Variants in FRMD4B observed in about 807,000 individuals in gnomAD.
FRMD4B encodes FERM domain containing 4B, also known as FERM domain-containing protein 4B.
In FRMD4B, 74 loss-of-function variants were observed where a neutral mutation model predicts 141.5. The ratio of observed to expected loss-of-function variants is 0.52; its 90% CI spans 0.43 to 0.63. The LOEUF (loss-of-function observed/expected upper bound fraction) is 0.63. FRMD4B is among the 30% of genes least tolerant of loss of function. The pLI, the probability that FRMD4B is intolerant of heterozygous loss-of-function variation, is 0.00. For missense variants in FRMD4B, 1,366 were observed against 1,253.4 expected (o/e 1.09, Z -1.36); for synonymous variants, 506 against 467.9 (o/e 1.08, Z -1.05).
At chr3:69,283,995 C>G (rs1179029981) in intron 5 of FRMD4B, among the ~76,000 whole-genome samples, 1 of 147,634 alleles carries the variant, frequency 6.8e-6, no homozygotes, top group African/African-American at 2.5e-5. Context: ...AAAAAACAGA[C>G]AAAATATATA....
At chr3:69,301,062 C>G (rs971671247) in intron 4 of FRMD4B, among the ~76,000 whole-genome samples, 1 of 150,988 alleles carries the variant, frequency 6.6e-6, no homozygotes, top group Non-Finnish European at 1.5e-5. Context: ...TTAATAACAA[C>G]TAGAAATAGC....
chr3:69,282,851 G>T (rs988597953), intron 5 of FRMD4B, among the ~76,000 whole-genome samples: 2 of 151,862 alleles, frequency 1.3e-5, no homozygotes, highest in African/African-American at 4.8e-5. Flanking sequence ...TGGCCAGGCT[G>T]GTCACGAACT....
chr3:69,443,949 A>G (rs906044798), intron 1 of FRMD4B, among the ~76,000 whole-genome samples: 5 of 152,170 alleles, frequency 3.3e-5, no homozygotes, highest in Admixed American at 6.5e-5. Flanking sequence ...ATACATCACT[A>G]TTGTAGAACC....
chr3:69,283,408 A>ACAGAAAAC (rs1553716233), intron 5 of FRMD4B, among the ~76,000 whole-genome samples: 1 of 141,050 alleles, frequency 7.1e-6, no homozygotes, highest in Non-Finnish European at 1.5e-5. Flanking sequence ...CAACAAACAA[A>ACAGAAAAC]AAACAAAAAA....
upstream of FRMD4B, among the ~76,000 whole-genome samples, chr3:69,388,114 T>C (rs1704305429): frequency 1.3e-5 from 2 of 152,108 alleles, no homozygotes. Flanking sequence ...GCAGTTCGAC[T>C]GTGTTCTCGG....
intron 1 of FRMD4B, among the ~76,000 whole-genome samples, chr3:69,529,627 T>G (rs1700984530): frequency 1.3e-5 from 2 of 152,180 alleles, no homozygotes; most frequent in Non-Finnish European, 2.9e-5. Flanking sequence ...GCAAAGGAAG[T>G]TTCCCTTCCT....
intron 1 of FRMD4B, among the ~76,000 whole-genome samples, chr3:69,352,529 T>G (rs1703183748): frequency 6.6e-6 from 1 of 152,174 alleles, no homozygotes; most frequent in African/African-American, 2.4e-5. Context: ...CTGGATGAGA[T>G]AATTTCCTTT....
chr3:69,235,525 G>A (rs1204991025), intron 7 of FRMD4B, among the ~76,000 whole-genome samples: 1 of 152,000 alleles, frequency 6.6e-6, no homozygotes, highest in African/African-American at 2.4e-5. Flanking sequence ...TGGGTGTGGT[G>A]GTGGGTGCCT....
intron 1 of FRMD4B, among the ~76,000 whole-genome samples, chr3:69,453,931 G>C (rs935276956): frequency 1.8e-4 from 28 of 152,120 alleles, no homozygotes; most frequent in Non-Finnish European, 2.5e-4. Context: ...TAAGAACTTG[G>C]TATCTCCTCA....
intron 5 of FRMD4B, among the ~76,000 whole-genome samples, chr3:69,260,094 TGA>T (rs1361776679): frequency 6.6e-6 from 1 of 152,154 alleles, no homozygotes; most frequent in Non-Finnish European, 1.5e-5. Flanking sequence ...TTCATCCTAT[TGA>T]GAGGTGACAA....
At chr3:69,475,567 T>C (rs1195640193) in intron 1 of FRMD4B, among the ~76,000 whole-genome samples, 3 of 152,190 alleles carry the variant, frequency 2.0e-5, no homozygotes, top group Admixed American at 6.5e-5. Flanking sequence ...TAGTATTCCA[T>C]GGTGTATATG....
chr3:69,185,570 C>T lies in FRMD4B; in HGVS notation c.1919+2200G>A, dbSNP rs115367291. On this transcript the variant is annotated intron_variant, in intron 19 of 22. Transcript: ENST00000398540. The stretch of plus-strand genomic sequence containing the variant: ...AAGTTCTAGGCTACCTAGGTTCAAA[C>T]CTTGATTCCCATGTTTACTAGTTGA... 9.2e-3 allele frequency among the ~76,000 whole-genome samples: 1,407 copies of T among 152,238 alleles called. 19 individuals carry two copies. The highest frequency in any genetic ancestry group is 0.033 in the African/African-American group (1,350 of 41,516).
intron 1 of FRMD4B, among the ~76,000 whole-genome samples, chr3:69,458,300 T>C (rs1419021146): frequency 6.6e-6 from 1 of 152,112 alleles, no homozygotes; most frequent in Non-Finnish European, 1.5e-5. Flanking sequence ...TATACGATGG[T>C]GAACTAGATA....
intron 1 of FRMD4B, among the ~76,000 whole-genome samples, chr3:69,464,593 G>C (rs1400482457): frequency 6.6e-6 from 1 of 152,192 alleles, no homozygotes; most frequent in Non-Finnish European, 1.5e-5. Context: ...TCTTATAGAA[G>C]TGGTCCTTCT....
chr3:69,313,487 G>A lies in FRMD4B; in HGVS notation c.193C>T (p.Leu65Phe). ...MTEGRHCQVH[L>F]LDDRRLELLV... ...AGCTCCAGTCTCCTATCATCCAGGA[G>A]GTGCACCTGGCAGTGCCTGCCTTCT... The change falls in exon 2 of 23, where the codon CTC becomes TTC. Residue 65 changes from leucine to phenylalanine, a missense_variant. Leu to Phe is a conservative substitution (Grantham distance 22, BLOSUM62 0). Transcript: ENST00000398540. 1.1e-5 allele frequency: 17 copies of A among 1,573,012 alleles called. No homozygotes were observed. Among genetic ancestry groups the A allele is most frequent in the Non-Finnish European group, 1.5e-5 (17 of 1,158,348 alleles).
intron 5 of FRMD4B, among the ~76,000 whole-genome samples, chr3:69,252,911 T>A (rs1288247766): frequency 6.6e-6 from 1 of 152,080 alleles, no homozygotes; most frequent in African/African-American, 2.4e-5. Flanking sequence ...GTGAGTCAGA[T>A]GATGTGGCTG....
At chr3:69,427,010 T>G (rs1705092876) in intron 2 of FRMD4B, among the ~76,000 whole-genome samples, 1 of 152,112 alleles carries the variant, frequency 6.6e-6, no homozygotes, top group Non-Finnish European at 1.5e-5. Context: ...ACTCATCCCT[T>G]AAAAGTTTTA....
At chr3:69,353,605 A>G in intron 1 of FRMD4B, 5 of 985,290 alleles carry the variant, frequency 5.1e-6, no homozygotes, top group Non-Finnish European at 6.0e-6. Flanking sequence ...AAGACAAAAG[A>G]CACACGTATT....
chr3:69,331,256 A>G (rs139785265), intron 1 of FRMD4B, among the ~76,000 whole-genome samples: 69 of 152,300 alleles, frequency 4.5e-4, no homozygotes, highest in African/African-American at 1.6e-3. Flanking sequence ...AGGAGTCCTT[A>G]AATTCCAGAA....
Sources: allele counts gnomAD v4.1 joint callset (sites outside exome capture counted in the v4.1 genomes callset), GRCh38; gene constraint gnomAD v4.1.1; transcripts MANE v1.5; gene names NCBI Gene and HGNC (gene_info 2026-07-23, HGNC 2026-07-21).